ZW10: variants seen among roughly 807,000 people sequenced by gnomAD.
ZW10 encodes zw10 kinetochore protein, also known as centromere/kinetochore protein zw10 homolog.
Under a neutral mutation model 87.8 loss-of-function variants are expected in ZW10, and 53 were observed. The ratio of observed to expected loss-of-function variants is 0.60; its 90% CI spans 0.48 to 0.76. The LOEUF (loss-of-function observed/expected upper bound fraction) is 0.76, where lower values mean the gene tolerates loss of function less well. Among genes scored for constraint, ZW10 ranks in the 30% least tolerant of loss-of-function variants. ZW10 has a pLI of 0.00. For missense variants in ZW10, 837 were observed against 923.0 expected, an observed-to-expected ratio of 0.91 and a Z score of 1.21; for synonymous variants, 312 against 329.2, an observed-to-expected ratio of 0.95 and a Z score of 0.57.
chr11:113,748,171 G>A, intron 8 of ZW10, 86 bp downstream of exon 8: 2 of 1,309,520 alleles, frequency 1.5e-6, no homozygotes, highest in Non-Finnish European at 2.0e-6. Context: ...TATAACTAAA[G>A]AACAAACTAT....
chr11:113,768,773 G>T, intron 2 of ZW10, 60 bp downstream of exon 2: 1 of 1,580,740 alleles, frequency 6.3e-7, no homozygotes, highest in Admixed American at 1.7e-5. Flanking sequence ...AGCTGTCTTA[G>T]CAATCAGGAA....
At chr11:113,751,614 G>A (rs1242349895) in intron 7 of ZW10, among the ~76,000 whole-genome samples, 2 of 152,192 alleles carry the variant, frequency 1.3e-5, no homozygotes, top group South Asian at 2.1e-4. Flanking sequence ...AGTGGCTCAC[G>A]CCTGTAATCC....
intron 11 of ZW10, among the ~76,000 whole-genome samples, chr11:113,740,050 T>C (rs1033233830): frequency 2.0e-5 from 3 of 152,168 alleles, no homozygotes; most frequent in African/African-American, 7.2e-5. Flanking sequence ...ATCTACCCAC[T>C]AACAGTCATT....
At chr11:113,768,809 C>T (rs747106726) in intron 2 of ZW10, 24 bp downstream of exon 2, 3 of 1,612,560 alleles carry the variant, frequency 1.9e-6, no homozygotes, top group East Asian at 2.2e-5. Context: ...TACAAACCTA[C>T]CCAATATAAC....
chr11:113,740,449 TG>T (rs1275344668), intron 11 of ZW10, among the ~76,000 whole-genome samples: 1 of 151,976 alleles, frequency 6.6e-6, no homozygotes, highest in Non-Finnish European at 1.5e-5. Context: ...ACAGGTGTGG[TG>T]GTGTGTGCCT....
At chr11:113,755,846 T>C (rs1467199189) in intron 7 of ZW10, among the ~76,000 whole-genome samples, 2 of 152,174 alleles carry the variant, frequency 1.3e-5, no homozygotes, top group African/African-American at 2.4e-5. Context: ...AACAAAAAGA[T>C]TATGACTCAC....
At chr11:113,757,634 A>C (rs1953804556) in intron 7 of ZW10, 28 bp downstream of exon 7, 2 of 1,376,464 alleles carry the variant, frequency 1.5e-6, no homozygotes, top group Non-Finnish European at 1.9e-6. Flanking sequence ...TTTCCAAAAT[A>C]TAAAAGCACT....
At chr11:113,761,222 A>C (rs138550934) in intron 2 of ZW10, among the ~76,000 whole-genome samples, 119 of 152,294 alleles carry the variant, frequency 7.8e-4, no homozygotes, top group Non-Finnish European at 1.2e-3. Flanking sequence ...GATTACTAGA[A>C]AGGTATCCCC....
intron 7 of ZW10, among the ~76,000 whole-genome samples, chr11:113,755,814 C>T (rs1418374984): frequency 6.6e-6 from 1 of 152,196 alleles, no homozygotes; most frequent in Non-Finnish European, 1.5e-5. Context: ...CAGCCATCAA[C>T]ATTGAGGCAA....
At chr11:113,759,041 A>G (rs1404493733) in intron 5 of ZW10, among the ~76,000 whole-genome samples, 9 of 152,144 alleles carry the variant, frequency 5.9e-5, no homozygotes, top group Admixed American at 5.2e-4. Context: ...CAGGCGTGGT[A>G]GCACGCACCT....
rs374350085 is a variant in ZW10, at chr11:113,773,676, G to A, written c.-10C>T. On this transcript the variant is annotated 5_prime_UTR_variant, in exon 1 of 16. Coordinates refer to ENST00000200135, the MANE Select transcript of ZW10 (RefSeq NM_004724.4). ...TCACGAACGAGGCCATGGCCAAGAC[G>A]GGAACCAACGCTGACTGGGTCACTC... 8 of 1,612,106 alleles carry A rather than the reference G, an allele frequency of 5.0e-6. No homozygotes were observed. The highest frequency in any genetic ancestry group is 6.8e-6 in the Non-Finnish European group (8 of 1,178,808).
intron 9 of ZW10, among the ~76,000 whole-genome samples, chr11:113,745,991 A>C (rs952966076): frequency 7.5e-6 from 1 of 132,638 alleles, no homozygotes; most frequent in Non-Finnish European, 1.7e-5. Context: ...TCTGTCTTAA[A>C]GGGGGCATTT....
At chr11:113,772,556 A>G (rs74610167) in intron 1 of ZW10, among the ~76,000 whole-genome samples, 11,845 of 152,234 alleles carry the variant, frequency 0.078, 572 homozygotes, top group African/African-American at 0.13. Context: ...CAATATCAGT[A>G]CAAAGCAAAA....
chr11:113,766,224 G>A (rs1336212802), intron 2 of ZW10, among the ~76,000 whole-genome samples: 1 of 151,838 alleles, frequency 6.6e-6, no homozygotes, highest in Non-Finnish European at 1.5e-5. Flanking sequence ...ATTTAGCTGG[G>A]CATGATGGCT....
chr11:113,737,823 G>C, intron 13 of ZW10, 120 bp from the exon 14 acceptor site: 1 of 1,153,680 alleles, frequency 8.7e-7, no homozygotes, highest in Non-Finnish European at 1.2e-6. Flanking sequence ...ATGAGGTAAA[G>C]TAACTAAGGA....
chr11:113,765,161 A>C (rs1197752639), intron 2 of ZW10, among the ~76,000 whole-genome samples: 1 of 152,226 alleles, frequency 6.6e-6, no homozygotes, highest in East Asian at 1.9e-4. Flanking sequence ...CAATAGTGAC[A>C]AGGGTGAGAA....
At chr11:113,771,071 G>A (rs566814499) in intron 1 of ZW10, among the ~76,000 whole-genome samples, 32 of 151,340 alleles carry the variant, frequency 2.1e-4, no homozygotes, top group Admixed American at 5.3e-4. Context: ...CACTTCCCGG[G>A]TTCAAGCGAT....
intron 11 of ZW10, 54 bp downstream of exon 11, chr11:113,741,640 T>G: frequency 8.2e-7 from 1 of 1,218,328 alleles, no homozygotes; most frequent in Non-Finnish European, 1.1e-6. Context: ...TAACTTAACT[T>G]CCACATCTTA....
At chr11:113,736,420 C>T (rs944695451) in intron 15 of ZW10, among the ~76,000 whole-genome samples, 200 bp downstream of exon 15, 1 of 152,148 alleles carries the variant, frequency 6.6e-6, no homozygotes, top group Admixed American at 6.5e-5. Context: ...GATGAGAAGT[C>T]TTTATGCTAT....
Sources: allele counts gnomAD v4.1 joint callset (sites outside exome capture counted in the v4.1 genomes callset), GRCh38; gene constraint gnomAD v4.1.1; transcripts MANE v1.5; gene names NCBI Gene and HGNC (gene_info 2026-07-23, HGNC 2026-07-21).